GAS7: variants seen among roughly 807,000 people sequenced by gnomAD.
GAS7 encodes growth arrest-specific protein 7.
GAS7 carries 28 observed loss-of-function variants against 71.1 expected under a neutral mutation model. That is an observed-to-expected ratio of 0.39 (90% CI 0.29 to 0.54). GAS7 has a LOEUF of 0.54. Among genes scored for constraint, GAS7 ranks in the 20% least tolerant of loss-of-function variants. The probability of loss-of-function intolerance (pLI) is 0.62; values close to 1 mark genes in which losing one functional copy is unlikely to be tolerated. For synonymous variants in GAS7, 258 were observed against 245.8 expected, an observed-to-expected ratio of 1.05 and a Z score of -0.46; for missense variants, 436 against 627.8, an observed-to-expected ratio of 0.69 and a Z score of 3.27.
intron 1 of GAS7, among the ~76,000 whole-genome samples, chr17:10,117,754 G>A (rs537888660): frequency 3.3e-5 from 5 of 152,166 alleles, no homozygotes; most frequent in African/African-American, 7.2e-5. Flanking sequence ...GCCAGGAGGC[G>A]CCTGCAACAG....
intron 3 of GAS7, among the ~76,000 whole-genome samples, chr17:9,971,193 T>A (rs754221113): frequency 4.1e-4 from 62 of 151,976 alleles, no homozygotes; most frequent in Non-Finnish European, 8.8e-5. Context: ...GTCCAGGAGT[T>A]CCAGACCAGC....
intron 2 of GAS7, among the ~76,000 whole-genome samples, chr17:9,986,154 G>A (rs188832262): frequency 6.6e-6 from 1 of 152,172 alleles, no homozygotes; most frequent in Non-Finnish European, 1.5e-5. Flanking sequence ...CAGAAAGACG[G>A]ACATTGTGAC....
chr17:9,959,333 G>C lies in GAS7; in HGVS notation c.472-78C>G, dbSNP rs373069798. On this transcript the variant is annotated intron_variant, in intron 4 of 13. Coordinates refer to ENST00000432992, the MANE Select transcript of GAS7 (RefSeq NM_201433.2). This position sits in a 1 kb window ranked among gnomAD's most constrained non-coding sequence, Gnocchi z 5.0. ...TTTTCCCCCCATTCAGGTTCCCTGA[G>C]GGTGGAGGCGCTGGGGAATCAGGGA... 1,993 of 1,603,014 alleles carry C rather than the reference G, an allele frequency of 1.2e-3. 1 individual carries two copies. Among genetic ancestry groups the C allele is most frequent in the South Asian group, 2.0e-3 (176 of 89,128 alleles).
At chr17:9,945,108 C>T (rs910280014) in intron 6 of GAS7, among the ~76,000 whole-genome samples, 3 of 152,108 alleles carry the variant, frequency 2.0e-5, no homozygotes, top group Non-Finnish European at 1.5e-5. Context: ...AGACCCCACA[C>T]GCTGACCTCC....
At chr17:10,057,135 G>A (rs1007467818) in intron 1 of GAS7, among the ~76,000 whole-genome samples, 3 of 152,142 alleles carry the variant, frequency 2.0e-5, no homozygotes, top group Non-Finnish European at 2.9e-5. Context: ...GCGTGATCTC[G>A]GCTTGCTACA....
At chr17:9,965,258 T>C (rs2069658849) in intron 4 of GAS7, among the ~76,000 whole-genome samples, 2 of 150,902 alleles carry the variant, frequency 1.3e-5, no homozygotes, top group South Asian at 2.1e-4. Context: ...CAGCAAAGAC[T>C]TGGAACCAAC....
intron 1 of GAS7, among the ~76,000 whole-genome samples, chr17:10,159,073 T>TATATGTTAAAG (rs2074229763): frequency 9.2e-6 from 1 of 109,124 alleles, no homozygotes; most frequent in African/African-American, 3.8e-5. Flanking sequence ...AACATATATA[T>TATATGTTAAAG]ATATATATAT....
intron 3 of GAS7, among the ~76,000 whole-genome samples, chr17:9,971,999 G>A (rs533490280): frequency 6.6e-6 from 1 of 152,330 alleles, no homozygotes; most frequent in East Asian, 1.9e-4. Context: ...ATGCAGCTGA[G>A]TGCCTGTGCG....
At chr17:10,111,309 C>T (rs1296154807) in intron 1 of GAS7, among the ~76,000 whole-genome samples, 4 of 80 alleles carry the variant, frequency 0.05, no homozygotes, top group East Asian at 0.5. Context: ...CCGAGGTGGG[C>T]GGATGATGGG....
intron 2 of GAS7, among the ~76,000 whole-genome samples, chr17:10,007,233 T>C (rs976920806): frequency 2.6e-5 from 4 of 152,236 alleles, no homozygotes; most frequent in African/African-American, 9.6e-5. Context: ...ATCTGCGTAT[T>C]GTTTTGTTTT....
chr17:10,056,820 C>A (rs907001951), intron 1 of GAS7, among the ~76,000 whole-genome samples: 3 of 151,890 alleles, frequency 2.0e-5, no homozygotes, highest in African/African-American at 7.3e-5. Flanking sequence ...TCTCTTTCCA[C>A]GGTCTCCCTC....
At chr17:9,986,692 T>G (rs569973513) in intron 2 of GAS7, among the ~76,000 whole-genome samples, 15 of 152,212 alleles carry the variant, frequency 9.9e-5, no homozygotes. Flanking sequence ...ACTGGCCTGG[T>G]CAACTCCCAG....
intron 2 of GAS7, among the ~76,000 whole-genome samples, chr17:10,005,191 A>G (rs1316698143): frequency 1.8e-4 from 18 of 101,888 alleles, no homozygotes; most frequent in African/African-American, 1.0e-3. Context: ...GTGTATGTGC[A>G]CGCATGCATG....
chr17:10,019,080 C>T (rs1025075828), intron 2 of GAS7, among the ~76,000 whole-genome samples: 1 of 152,178 alleles, frequency 6.6e-6, no homozygotes, highest in African/African-American at 2.4e-5. Flanking sequence ...CCACGTGGTG[C>T]ATCCCCTTTT....
At chr17:9,918,762 T>C (rs1415493170) in intron 12 of GAS7, among the ~76,000 whole-genome samples, 1 of 152,212 alleles carries the variant, frequency 6.6e-6, no homozygotes, top group Non-Finnish European at 1.5e-5. Context: ...CTCTGGTTTC[T>C]AGATGGTTTT....
intron 1 of GAS7, among the ~76,000 whole-genome samples, chr17:10,183,473 T>C (rs1567624186): frequency 6.6e-6 from 1 of 152,116 alleles, no homozygotes; most frequent in Non-Finnish European, 1.5e-5. Context: ...TTACAGAGTG[T>C]GTGTGTACAA....
chr17:10,177,379 T>C (rs190076046), intron 1 of GAS7, among the ~76,000 whole-genome samples: 286 of 152,170 alleles, frequency 1.9e-3, no homozygotes, highest in African/African-American at 6.6e-3. Flanking sequence ...ACAGGGTCCA[T>C]ATTTGTGCAA....
intron 2 of GAS7, among the ~76,000 whole-genome samples, chr17:9,994,615 G>C (rs1287409128): frequency 6.7e-6 from 1 of 150,006 alleles, no homozygotes; most frequent in Non-Finnish European, 1.5e-5. Context: ...CAGGACATAG[G>C]CATGGGCAAG....
intron 1 of GAS7, among the ~76,000 whole-genome samples, chr17:10,193,858 C>T (rs543744502): frequency 2.6e-5 from 4 of 152,306 alleles, no homozygotes; most frequent in African/African-American, 4.8e-5. Flanking sequence ...AGCTGAGCCC[C>T]GTCAATCCAC....
Sources: gnomAD v4.1 joint callset for allele counts (sites outside exome capture counted in the v4.1 genomes callset) on GRCh38, gnomAD v4.1.1 for gene constraint, Gnocchi (gnomAD v3.1) non-coding constraint, MANE v1.5 for transcripts, NCBI Gene and HGNC (gene_info 2026-07-23, HGNC 2026-07-21) for gene names.